The following HSD17B1 variants were observed in gnomAD, a reference collection of about 807,000 sequenced individuals.
HSD17B1 encodes the protein hydroxysteroid 17-beta dehydrogenase 1, also known as 17-beta-hydroxysteroid dehydrogenase type 1.
Under a neutral mutation model 22.7 loss-of-function variants are expected in HSD17B1, and 16 were observed. That is an observed-to-expected ratio of 0.71 (90% CI 0.48 to 1.07). HSD17B1 has a LOEUF of 1.07. Ranked by LOEUF, HSD17B1 falls within the 50% of genes least tolerant of loss-of-function variation. HSD17B1 has a pLI of 0.00. For synonymous variants in HSD17B1, 243 were observed against 211.0 expected (o/e 1.15, Z -1.31); for missense variants, 533 against 459.9 (o/e 1.16, Z -1.45).
In HSD17B1 at chr17:42,553,041, G is replaced by C; in HGVS notation, c.97+11G>C. On this transcript the variant is annotated intron_variant, in intron 1 of 5. Coordinates refer to ENST00000585807, the MANE Select transcript of HSD17B1 (RefSeq NM_000413.4). ...CCCAGAGCTTCAAAGGTATAGATAG[G>C]CAGGGACAGGGAGGGAGAGAAGGGA... 1 of 1,614,110 alleles carries C rather than the reference G, an allele frequency of 6.2e-7. No individual in the cohort carries two copies. Among genetic ancestry groups the C allele is most frequent in the South Asian group, 1.1e-5 (1 of 91,084 alleles).
Position 42,553,566 on chromosome 17 carries a change from G to C in HSD17B1, c.393G>C (p.Lys131Asn). The C allele has an allele frequency of 1.2e-6, 2 of 1,613,590 alleles. No homozygotes were observed. Among genetic ancestry groups the C allele is most frequent in the Non-Finnish European group, 1.7e-6 (2 of 1,179,770 alleles). ...RMLQAFLPDMKRRGSGRVLVT... is the reference protein window; with the variant it reads ...RMLQAFLPDMNRRGSGRVLVT... ...TGCAGGCCTTCCTGCCAGACATGAA[G>C]AGGCGCGGTTCGGGACGCGTGTTGG... The change falls in exon 3 of 6, where the codon AAG becomes AAC. Residue 131 changes from lysine to asparagine, a missense_variant. Lys to Asn is a moderately conservative substitution (Grantham distance 94, BLOSUM62 0). Transcript: ENST00000585807.
rs771388222 is a variant in HSD17B1 at position 42,553,225 on chromosome 17, G to C, written c.199G>C (p.Val67Leu). The C allele has an allele frequency of 1.2e-6, 2 of 1,613,602 alleles. No individual in the cohort carries two copies. The highest frequency in any genetic ancestry group is 1.7e-6 in the Non-Finnish European group (2 of 1,180,024). Residue 67 changes from valine to leucine, a missense_variant, in exon 2 of 6, where the codon GTA (valine) becomes CTA (leucine). Physicochemically the swap from Val to Leu is conservative, Grantham distance 32 (BLOSUM62 1). Transcript: ENST00000585807. The stretch of plus-strand genomic sequence containing the variant: ...ATCCCTGGAGACGTTGCAGCTGGAC[G>C]TAAGGGACTCAAAATCCGTGGCCGC... Reference protein sequence around the residue: ...PGSLETLQLDVRDSKSVAAAR... With the variant: ...PGSLETLQLDLRDSKSVAAAR...
At chr17:42,554,001 C>T (rs1435275696) in intron 4 of HSD17B1, 114 bp downstream of exon 4, 6 of 948,556 alleles carry the variant, frequency 6.3e-6, no homozygotes, top group Admixed American at 4.0e-5. Context: ...CTGCCCGGCT[C>T]ACATTAGCTG....
chr17:42,553,656 T>C (rs2092951930), intron 3 of HSD17B1, 38 bp downstream of exon 3: 2 of 1,598,936 alleles, frequency 1.3e-6, no homozygotes, highest in East Asian at 2.2e-5. Context: ...CTCCAGATTC[T>C]TTGTGTGCGG....
In HSD17B1 at chr17:42,554,722, C is replaced by T; in HGVS notation, c.771C>T (p.Thr257=). Residue 257 remains threonine, a synonymous_variant, in exon 6 of 6, where the codon ACC becomes ACT. Transcript: ENST00000585807. ...APKPTLRYFT[T]ERFLPLLRMR... ...AGCCGACCCTGCGCTACTTCACCACCGAGCGCTTCCTGCCCCTGCTGCGGA... is the reference window on the plus strand; with the variant it reads ...AGCCGACCCTGCGCTACTTCACCACTGAGCGCTTCCTGCCCCTGCTGCGGA... 1.2e-6 allele frequency: 2 copies of T among 1,603,604 alleles called. No homozygotes were observed. Among genetic ancestry groups the T allele is most frequent in the African/African-American group, 1.3e-5 (1 of 75,048 alleles).
rs149106231 is a variant in HSD17B1 at position 42,553,242 on chromosome 17, C to T, written c.216C>T (p.Ser72=). 9.3e-4 allele frequency: 1,506 copies of T among 1,613,020 alleles called. 5 individuals carry two copies. The highest frequency in any genetic ancestry group is 1.2e-3 in the Non-Finnish European group (1,428 of 1,180,008). ...TLQLDVRDSK[S]VAAARERVTE... ...AGCTGGACGTAAGGGACTCAAAATC[C>T]GTGGCCGCTGCCCGGGAACGCGTGA... The change falls in exon 2 of 6, where the codon TCC becomes TCT. Residue 72 remains serine, a synonymous_variant. Transcript: ENST00000585807.
chr17:42,554,029 C>T, intron 4 of HSD17B1, 142 bp downstream of exon 4: 1 of 777,664 alleles, frequency 1.3e-6, no homozygotes, highest in Admixed American at 2.1e-5. Context: ...GGCACTTGGG[C>T]TGGGCGCATG....
At position 42,552,993 on chromosome 17, in the gene HSD17B1, C is replaced by G. The variant is rs768010045; in HGVS notation, c.60C>G (p.Ala20=). 1.2e-6 allele frequency: 2 copies of G among 1,614,140 alleles called. No homozygotes were observed. The highest frequency in any genetic ancestry group is 1.7e-6 in the Non-Finnish European group (2 of 1,180,016). Residue 20 remains alanine (A), a synonymous_variant, in exon 1 of 6, where the codon GCC becomes GCG. Coordinates refer to ENST00000585807, the MANE Select transcript of HSD17B1 (RefSeq NM_000413.4). ...GCSSGIGLHL[A]VRLASDPSQS... is the part of the protein sequence containing the mutation. ...CCTCGGGCATCGGCCTGCACTTGGC[C>G]GTACGTCTGGCTTCAGATCCATCCC...
rs1487778368 is a variant in HSD17B1 at position 42,554,425 on chromosome 17, G to A, written c.560G>A (p.Gly187Asp). ...FGVHLSLIEC[G>D]PVHTAFMEKV... Reference sequence around the variant, plus strand: ...AGCAGCTTGAGCCTGATCGAGTGCGGCCCAGTGCACACCGCCTTCATGGAG... The same window carrying A: ...AGCAGCTTGAGCCTGATCGAGTGCGACCCAGTGCACACCGCCTTCATGGAG... Residue 187 changes from glycine (G) to aspartate (D), a missense_variant, in exon 5 of 6, where the codon GGC (glycine) becomes GAC (aspartate). Physicochemically the swap from Gly to Asp is moderately conservative, Grantham distance 94. Transcript: ENST00000585807. 1 of 1,611,600 alleles carries A rather than the reference G, an allele frequency of 6.2e-7. No homozygotes were observed. Among genetic ancestry groups the A allele is most frequent in the Non-Finnish European group, 8.5e-7 (1 of 1,178,876 alleles).
intron 4 of HSD17B1, 99 bp downstream of exon 4, chr17:42,553,986 C>T (rs1358858736): frequency 1.9e-6 from 2 of 1,055,928 alleles, no homozygotes; most frequent in African/African-American, 1.6e-5. Context: ...TCTCCCTGGC[C>T]CTCTCTGCCC....
chr17:42,554,691 C>T lies in HSD17B1; in HGVS notation c.740C>T (p.Ala247Val), dbSNP rs760490409. 2 of 1,603,908 alleles carry T rather than the reference C, an allele frequency of 1.2e-6. No homozygotes were observed. Among genetic ancestry groups the T allele is most frequent in the South Asian group, 1.1e-5 (1 of 91,050 alleles). ...CAGGTCTTCCTCACCGCTTTGCGCG[C>T]CCCGAAGCCGACCCTGCGCTACTTC... is the stretch of plus-strand genomic sequence containing the variant. ...VAEVFLTALR[A>V]PKPTLRYFTT... The change falls in exon 6 of 6, where the codon GCC (alanine) becomes GTC (valine). Residue 247 changes from alanine to valine, a missense_variant. By Grantham distance (64) the Ala-to-Val change is moderately conservative (BLOSUM62 0). Transcript: ENST00000585807.
intron 4 of HSD17B1, 125 bp downstream of exon 4, chr17:42,554,012 T>C: frequency 1.2e-6 from 1 of 865,254 alleles, no homozygotes; most frequent in East Asian, 2.7e-5. Flanking sequence ...ACATTAGCTG[T>C]GTGCCAGGCA....
chr17:42,554,271 C>T lies in HSD17B1; in HGVS notation c.540-134C>T, dbSNP rs1184968789. Reference sequence around the variant, plus strand: ...CTGGTTATCCCCAGCGCCCTTTCCGCCTCACTTCCCAGCGCAGCGGTGCTG... The same window carrying T: ...CTGGTTATCCCCAGCGCCCTTTCCGTCTCACTTCCCAGCGCAGCGGTGCTG... On this transcript the variant is annotated intron_variant, in intron 4 of 5. Coordinates refer to ENST00000585807, the MANE Select transcript of HSD17B1 (RefSeq NM_000413.4). 5.5e-6 allele frequency: 7 copies of T among 1,281,926 alleles called. No individual in the cohort carries two copies. In the Admixed American group the frequency reaches 1.4e-4, roughly 25 times the overall value. The allele number at this position is 1,281,926 out of a possible 1,614,324, so 79.4% of individuals were successfully genotyped here. A position where few individuals can be genotyped will look rare whatever the true frequency, so the allele number is the denominator to read the frequency against.
Position 42,553,310 on chromosome 17 carries a change from T to C in HSD17B1, c.265+19T>C. The C allele has an allele frequency of 6.2e-7, 1 of 1,603,218 alleles. No homozygotes were observed. On this transcript the variant is annotated intron_variant, in intron 2 of 5. Coordinates refer to ENST00000585807, the MANE Select transcript of HSD17B1 (RefSeq NM_000413.4). Reference sequence around the variant, plus strand: ...GTGCTGGGTGAGCCTCCTGGAAGCATATGGGCTCCTAGGAGCCTTCTCCGC... The same window carrying C: ...GTGCTGGGTGAGCCTCCTGGAAGCACATGGGCTCCTAGGAGCCTTCTCCGC...
intron 2 of HSD17B1, 44 bp downstream of exon 2, chr17:42,553,335 C>A: frequency 6.2e-7 from 1 of 1,602,712 alleles, no homozygotes; most frequent in Non-Finnish European, 8.5e-7. Context: ...GCCTTCTCCG[C>A]CCTGCGTTGA....
In HSD17B1 at chr17:42,553,482, G is replaced by T. The variant is rs1156956000; in HGVS notation, c.309G>T (p.Leu103=). 12 of 1,613,454 alleles carry T rather than the reference G, an allele frequency of 7.4e-6. No homozygotes were observed. The Admixed American group carries it at 1.3e-4, about 18-fold the overall frequency. ...GLGLLGPLEA[L]GEDAVASVLD... ...GCCTGCTGGGGCCGCTGGAGGCGCT[G>T]GGGGAGGACGCCGTGGCCTCTGTGC... Residue 103 remains leucine (L), a synonymous_variant, in exon 3 of 6, where the codon CTG becomes CTT. Coordinates refer to ENST00000585807, the MANE Select transcript of HSD17B1 (RefSeq NM_000413.4).
chr17:42,554,628 G>A (rs1218992128), intron 5 of HSD17B1, 41 bp from the exon 6 acceptor site: 16 of 1,605,632 alleles, frequency 1.0e-5, no homozygotes, highest in Non-Finnish European at 1.3e-5. Context: ...TGCGTCCTCC[G>A]GCGCGCAGCG....
At chr17:42,553,980 C>T (rs2092953818) in intron 4 of HSD17B1, 93 bp downstream of exon 4, 2 of 1,123,144 alleles carry the variant, frequency 1.8e-6, no homozygotes, top group Non-Finnish European at 2.6e-6. Flanking sequence ...GGGCGATCTC[C>T]CTGGCCCTCT....
At chr17:42,554,234 G>T (rs1352833199) in intron 4 of HSD17B1, 171 bp from the exon 5 acceptor site, 18 of 945,482 alleles carry the variant, frequency 1.9e-5, no homozygotes, top group Non-Finnish European at 1.8e-5. Flanking sequence ...AGGAACCCGC[G>T]TTTCAAATGT....
Sources: allele counts gnomAD v4.1 joint callset, GRCh38; gene constraint gnomAD v4.1.1; transcripts MANE v1.5; gene names NCBI Gene and HGNC (gene_info 2026-07-23, HGNC 2026-07-21).